The following AGBL1 variants were observed in gnomAD, a reference collection of about 807,000 sequenced individuals.
AGBL1 encodes the protein AGBL carboxypeptidase 1.
Under a neutral mutation model 118.9 loss-of-function variants are expected in AGBL1, and 130 were observed. The ratio of observed to expected loss-of-function variants is 1.09; its 90% CI spans 0.95 to 1.26. AGBL1 has a LOEUF of 1.26. Among genes scored for constraint, AGBL1 ranks in the 50% most tolerant of loss-of-function variants. AGBL1 has a pLI of 0.00. For synonymous variants in AGBL1, 555 were observed against 478.9 expected, an observed-to-expected ratio of 1.16 and a Z score of -2.08; for missense variants, 1,584 against 1,298.1, an observed-to-expected ratio of 1.22 and a Z score of -3.38.
At chr15:86,159,953 C>A (rs2077243960) in intron 5 of AGBL1, among the ~76,000 whole-genome samples, 1 of 152,092 alleles carries the variant, frequency 6.6e-6, no homozygotes, top group Admixed American at 6.6e-5. Context: ...AAAAAAAATT[C>A]TCATCCAGTA....
intron 23 of AGBL1, among the ~76,000 whole-genome samples, chr15:86,958,941 T>G (rs2141682217): frequency 6.6e-6 from 1 of 152,192 alleles, no homozygotes; most frequent in Non-Finnish European, 1.5e-5. Context: ...CAAAGTATAC[T>G]TACAGTAAGG....
intron 22 of AGBL1, among the ~76,000 whole-genome samples, chr15:86,880,886 C>CGTG (rs2079882386): frequency 6.6e-6 from 1 of 152,084 alleles, no homozygotes; most frequent in Non-Finnish European, 1.5e-5. Flanking sequence ...TTACAGCCTC[C>CGTG]GTGGTTCTTA....
At chr15:86,693,930 C>G (rs1309711926) in intron 22 of AGBL1, among the ~76,000 whole-genome samples, 1 of 152,058 alleles carries the variant, frequency 6.6e-6, no homozygotes, top group African/African-American at 2.4e-5. Context: ...TATATGGATT[C>G]TCTATTCTGT....
rs143522733 is a variant in AGBL1 at position 86,397,532 on chromosome 15, T to C, written c.2541T>C (p.Gly847=). The C allele has an allele frequency of 2.6e-4, 418 of 1,608,638 alleles. 1 individual carries two copies. In the African/African-American group the frequency reaches 4.8e-3, roughly 19 times the overall value. The part of the protein sequence containing the change: ...FKIIPMLNPD[G]VINGNHRCSL... ...TCATACCCATGCTCAACCCAGATGG[T>C]GTCATCAACGGCAAGTATGTCAGGC... Residue 847 remains glycine (G), a synonymous_variant, in exon 18 of 23, where the codon GGT becomes GGC. Transcript: ENST00000614907.
rs79666799 is a variant in AGBL1 at position 86,620,326 on chromosome 15, C to T, written c.2995-53947C>T. Among the ~76,000 whole-genome samples, 722 of 152,240 alleles carry T rather than the reference C, an allele frequency of 4.7e-3. 11 individuals are homozygous for T. The highest frequency in any genetic ancestry group is 0.017 in the African/African-American group (687 of 41,534). On this transcript the variant is annotated intron_variant, in intron 21 of 22. Transcript: ENST00000614907. ...TTTCCTCAAAGGAAATGACTTCACT[C>T]GTGGAAAAGCGAAAGGTCATTTGAA...
At chr15:86,857,279 G>T (rs1366094039) in intron 22 of AGBL1, among the ~76,000 whole-genome samples, 2 of 152,072 alleles carry the variant, frequency 1.3e-5, no homozygotes, top group African/African-American at 4.8e-5. Context: ...TGCAAATGTG[G>T]TCATGTCACT....
intron 18 of AGBL1, among the ~76,000 whole-genome samples, chr15:86,479,556 T>C (rs1276999146): frequency 5.3e-5 from 8 of 152,160 alleles, no homozygotes; most frequent in African/African-American, 1.4e-4. Context: ...GTTAGAATGG[T>C]GATCATTAAA....
At chr15:87,004,439 G>T (rs979548671) in intron 24 of AGBL1, among the ~76,000 whole-genome samples, 5 of 152,194 alleles carry the variant, frequency 3.3e-5, no homozygotes, top group Non-Finnish European at 5.9e-5. Context: ...TTACCATTAT[G>T]TAATGGCCTT....
chr15:86,881,447 G>T (rs2079890641), intron 22 of AGBL1, among the ~76,000 whole-genome samples: 1 of 152,080 alleles, frequency 6.6e-6, no homozygotes, highest in African/African-American at 2.4e-5. Flanking sequence ...TTGTAAAGCT[G>T]CTTTTATGAA....
chr15:86,813,746 C>T (rs1423328656), intron 22 of AGBL1, among the ~76,000 whole-genome samples: 2 of 152,188 alleles, frequency 1.3e-5, no homozygotes, highest in East Asian at 1.9e-4. Flanking sequence ...TTGTAACAAA[C>T]AGTCAGAGGA....
rs570423255 is a variant in AGBL1, at chr15:86,849,860, A to G, written c.3159-57227A>G. On this transcript the variant is annotated intron_variant, in intron 22 of 22. Coordinates refer to ENST00000614907, the MANE Select transcript of AGBL1 (RefSeq NM_001386094.1). The stretch of plus-strand genomic sequence containing the variant: ...AACACTGTGCTTGCTTTAGAAACAG[A>G]GTGAGTAAGGCCTCTGTCGACATCA... Among the ~76,000 whole-genome samples the G allele has an allele frequency of 9.4e-4, 143 of 152,308 alleles. 1 individual carries two copies. The highest frequency in any genetic ancestry group is 3.3e-3 in the African/African-American group (138 of 41,576).
At chr15:86,535,118 A>G (rs1192261003) in intron 19 of AGBL1, among the ~76,000 whole-genome samples, 1 of 152,254 alleles carries the variant, frequency 6.6e-6, no homozygotes, top group African/African-American at 2.4e-5. Flanking sequence ...GAAGCTGACT[A>G]GCATACAGGC....
chr15:86,318,240 T>G (rs2080046195), intron 17 of AGBL1, among the ~76,000 whole-genome samples: 1 of 152,146 alleles, frequency 6.6e-6, no homozygotes, highest in Non-Finnish European at 1.5e-5. Context: ...ATGTAGAACA[T>G]AAACATAAAA....
At chr15:86,113,868 A>G (rs909835982) in intron 1 of AGBL1, among the ~76,000 whole-genome samples, 2 of 152,118 alleles carry the variant, frequency 1.3e-5, no homozygotes, top group South Asian at 4.1e-4. Flanking sequence ...AAATGACCCA[A>G]ATTTACAGTG....
intron 18 of AGBL1, among the ~76,000 whole-genome samples, chr15:86,472,974 A>G (rs2142105752): frequency 6.6e-6 from 1 of 152,328 alleles, no homozygotes; most frequent in South Asian, 2.1e-4. Context: ...TCAAAGTTTA[A>G]TCACAGTTAA....
Position 86,248,043 on chromosome 15 carries a change from C to T in AGBL1, c.735+164C>T, listed in dbSNP as rs138457235. Among the ~76,000 whole-genome samples, 28 of 152,338 alleles carry T rather than the reference C, an allele frequency of 1.8e-4. No individual in the cohort carries two copies. The East Asian group carries it at 4.4e-3, about 24-fold the overall frequency. On this transcript the variant is annotated intron_variant, in intron 7 of 22. Transcript: ENST00000614907. ...ATTTAAGGCTTCATTCCAGGCCAGG[C>T]CCGGTGGTTCACTCCTGTAATCTCA... is the stretch of plus-strand genomic sequence containing the variant.
intron 18 of AGBL1, among the ~76,000 whole-genome samples, chr15:86,484,159 T>G (rs915986195): frequency 6.6e-6 from 1 of 152,118 alleles, no homozygotes; most frequent in African/African-American, 2.4e-5. Flanking sequence ...AGAGGAAGTA[T>G]ACTTTCTCTC....
downstream of AGBL1, among the ~76,000 whole-genome samples, chr15:87,030,239 T>TA (rs1428970665): frequency 6.6e-6 from 1 of 151,956 alleles, no homozygotes. Flanking sequence ...GGTGGGCATA[T>TA]GTATACAAGG....
In AGBL1 at chr15:86,169,385, A is replaced by G. The variant is rs540094238; in HGVS notation, c.488+10359A>G. Reference sequence around the variant, plus strand: ...ACACACACACAGGACTGGAAGTAGTACTTGGTTCTGAAAGACAGACTGGAA... The same window carrying G: ...ACACACACACAGGACTGGAAGTAGTGCTTGGTTCTGAAAGACAGACTGGAA... On this transcript the variant is annotated intron_variant, in intron 5 of 22. Coordinates refer to ENST00000614907, the MANE Select transcript of AGBL1 (RefSeq NM_001386094.1). Among the ~76,000 whole-genome samples the G allele has an allele frequency of 2.6e-5, 4 of 152,348 alleles. No homozygotes were observed. The South Asian group carries it at 8.3e-4, about 32-fold the overall frequency.
Sources: gnomAD v4.1 joint callset for allele counts (sites outside exome capture counted in the v4.1 genomes callset) on GRCh38, gnomAD v4.1.1 for gene constraint, MANE v1.5 for transcripts, NCBI Gene and HGNC (gene_info 2026-07-23, HGNC 2026-07-21) for gene names.